The following KCNIP4 variants were observed in gnomAD, a reference collection of about 807,000 sequenced individuals.
KCNIP4 encodes Kv channel-interacting protein 4.
Under a neutral mutation model 34.0 loss-of-function variants are expected in KCNIP4, and 12 were observed. The ratio of observed to expected loss-of-function variants is 0.35; its 90% confidence interval spans 0.23 to 0.57. KCNIP4 has a LOEUF of 0.57. KCNIP4 is among the 20% of genes least tolerant of loss of function. KCNIP4 has a pLI of 0.83. For synonymous variants in KCNIP4, 124 were observed against 102.2 expected, an observed-to-expected ratio of 1.21 and a Z score of -1.29; for missense variants, 238 against 311.7, an observed-to-expected ratio of 0.76 and a Z score of 1.78.
At position 21,519,507 on chromosome 4, in the gene KCNIP4, T is replaced by C. The variant is rs1365385274; in HGVS notation, c.61+429064A>G. On this transcript the variant is annotated intron_variant, in intron 1 of 8. Coordinates refer to ENST00000382152, the MANE Select transcript of KCNIP4 (RefSeq NM_025221.6). ...ATACACATATGTGTGTATGTGTATGTGTATATACACATATGTGTGTATGTG... is the reference window on the plus strand; with the variant it reads ...ATACACATATGTGTGTATGTGTATGCGTATATACACATATGTGTGTATGTG... Among the ~76,000 whole-genome samples, 13 of 70,446 alleles carry C rather than the reference T, an allele frequency of 1.8e-4. 2 individuals are homozygous for C. Among genetic ancestry groups the C allele is most frequent in the African/African-American group, 5.2e-4 (8 of 15,322 alleles). 46.2% of individuals were successfully genotyped at this position (70,446 alleles called of 152,430 possible). A position where few individuals can be genotyped will look rare whatever the true frequency, so the allele number is the denominator to read the frequency against.
chr4:20,869,519 T>G (rs1224033643), intron 2 of KCNIP4, among the ~76,000 whole-genome samples: 1 of 152,100 alleles, frequency 6.6e-6, no homozygotes, highest in East Asian at 1.9e-4. Context: ...CCTTCAACAC[T>G]AGGAGCAGAA....
At chr4:21,375,814 G>C (rs1383859904) in intron 1 of KCNIP4, among the ~76,000 whole-genome samples, 1 of 151,990 alleles carries the variant, frequency 6.6e-6, no homozygotes, top group Non-Finnish European at 1.5e-5. Context: ...TGATTGGCCC[G>C]CCTCAGCCTC....
chr4:21,927,867 G>A (rs550634255), intron 1 of KCNIP4, among the ~76,000 whole-genome samples: 5 of 152,086 alleles, frequency 3.3e-5, no homozygotes, highest in African/African-American at 1.2e-4. Flanking sequence ...CCCTGTATTT[G>A]TGGAATGATG....
At chr4:21,929,963 C>T (rs1342773355) in intron 1 of KCNIP4, among the ~76,000 whole-genome samples, 1 of 152,246 alleles carries the variant, frequency 6.6e-6, no homozygotes, top group Middle Eastern at 3.4e-3. Context: ...TCACTTAATT[C>T]TAGTCTGTTT....
At chr4:21,258,954 A>G (rs551705549) in intron 1 of KCNIP4, among the ~76,000 whole-genome samples, 1 of 152,262 alleles carries the variant, frequency 6.6e-6, no homozygotes, top group South Asian at 2.1e-4. Flanking sequence ...ACATTTTTTG[A>G]ATGTTCACTA....
intron 1 of KCNIP4, among the ~76,000 whole-genome samples, chr4:21,447,598 T>A (rs1415517235): frequency 1.3e-5 from 2 of 152,192 alleles, no homozygotes; most frequent in Admixed American, 1.3e-4. Flanking sequence ...TTTATTCCTA[T>A]ACATACACAC....
intron 1 of KCNIP4, among the ~76,000 whole-genome samples, chr4:21,289,556 T>G (rs1763313265): frequency 6.6e-6 from 1 of 152,068 alleles, no homozygotes. Flanking sequence ...AAGAGGAAAA[T>G]TATATGGATC....
chr4:21,121,094 G>A (rs181953085), intron 1 of KCNIP4, among the ~76,000 whole-genome samples: 3 of 152,332 alleles, frequency 2.0e-5, no homozygotes, highest in African/African-American at 7.2e-5. Context: ...AATGGCATAA[G>A]TGCTTTCTTG....
At chr4:21,559,269 T>C (rs780496643) in intron 1 of KCNIP4, among the ~76,000 whole-genome samples, 4 of 151,942 alleles carry the variant, frequency 2.6e-5, no homozygotes, top group Non-Finnish European at 5.9e-5. Context: ...CGGGCTAGAG[T>C]GGAACTTGAG....
intron 1 of KCNIP4, among the ~76,000 whole-genome samples, chr4:21,869,134 G>A (rs930398637): frequency 3.9e-5 from 6 of 151,970 alleles, no homozygotes; most frequent in African/African-American, 7.2e-5. Context: ...CTTGAGGGAC[G>A]TCCTGCACTG....
intron 1 of KCNIP4, among the ~76,000 whole-genome samples, chr4:21,187,660 G>A (rs11940132): frequency 0.015 from 2,255 of 152,146 alleles, 63 homozygotes; most frequent in African/African-American, 0.051. Context: ...AATGCCCTAT[G>A]GTTTTAGGGC....
rs553484944 is a variant in KCNIP4, at chr4:21,802,177, G to A, written c.61+146394C>T. Among the ~76,000 whole-genome samples, 116 of 148,354 alleles carry A rather than the reference G, an allele frequency of 7.8e-4. 1 individual carries two copies. The highest frequency in any genetic ancestry group is 6.8e-3 in the Middle Eastern group (2 of 292). ...CCACAGTATTTGACCACTATGCCAG[G>A]AATGTTAAAATCTGACTTTCTCCAA... On this transcript the variant is annotated intron_variant, in intron 1 of 8. Transcript: ENST00000382152.
intron 1 of KCNIP4, among the ~76,000 whole-genome samples, chr4:21,068,866 G>A (rs1427456842): frequency 6.6e-6 from 1 of 152,134 alleles, no homozygotes; most frequent in Non-Finnish European, 1.5e-5. Context: ...AAATATTGTT[G>A]AGTGAATGAA....
intron 1 of KCNIP4, among the ~76,000 whole-genome samples, chr4:21,055,814 G>T (rs1351970487): frequency 6.6e-6 from 1 of 152,138 alleles, no homozygotes; most frequent in African/African-American, 2.4e-5. Context: ...ACACACAGAG[G>T]ATTATTAACG....
intron 1 of KCNIP4, among the ~76,000 whole-genome samples, chr4:21,684,034 T>TA (rs553744219): frequency 0.017 from 2,640 of 152,160 alleles, 85 homozygotes; most frequent in African/African-American, 0.06. Flanking sequence ...GTACTAGGTT[T>TA]ACTATCTGGC....
At chr4:21,107,169 C>T (rs367867238) in intron 1 of KCNIP4, among the ~76,000 whole-genome samples, 32,545 of 136,240 alleles carry the variant, frequency 0.24, 4,429 homozygotes, top group African/African-American at 0.35. Context: ...CTTTCTGTCT[C>T]ATTGATCTGT....
At chr4:21,581,532 G>A (rs1345698836) in intron 1 of KCNIP4, among the ~76,000 whole-genome samples, 1 of 151,890 alleles carries the variant, frequency 6.6e-6, no homozygotes, top group African/African-American at 2.4e-5. Context: ...TGTAGAATCG[G>A]GAAAAGTATT....
At chr4:21,445,034 A>G (rs1289469942) in intron 1 of KCNIP4, among the ~76,000 whole-genome samples, 1 of 152,220 alleles carries the variant, frequency 6.6e-6, no homozygotes, top group East Asian at 1.9e-4. Context: ...ATTGCTTCAA[A>G]GAGAATAAAA....
At position 21,810,359 on chromosome 4, in the gene KCNIP4, A is replaced by T. The variant is rs189252380; in HGVS notation, c.61+138212T>A. 3.8e-4 allele frequency among the ~76,000 whole-genome samples: 57 copies of T among 151,990 alleles called. No homozygotes were observed. The East Asian group carries it at 0.011, about 29-fold the overall frequency. ...TCTTTGTCAACTCCTCCTTCCCCCA[A>T]CCCTCCCACCTTCTTTTTGCCCAAA... is the stretch of plus-strand genomic sequence containing the variant. On this transcript the variant is annotated intron_variant, in intron 1 of 8. Transcript: ENST00000382152.
Sources: gnomAD v4.1 joint callset for allele counts (sites outside exome capture counted in the v4.1 genomes callset) on GRCh38, gnomAD v4.1.1 for gene constraint, MANE v1.5 for transcripts, NCBI Gene and HGNC (gene_info 2026-07-23, HGNC 2026-07-21) for gene names.